Variants in NEGR1 observed in about 807,000 individuals in gnomAD.
NEGR1 encodes the protein neuronal growth regulator 1.
A neutral mutation model predicts 40.9 loss-of-function variants in NEGR1; 10 were observed. The ratio of observed to expected loss-of-function variants is 0.24; its 90% confidence interval spans 0.15 to 0.42. The LOEUF is 0.42. Among genes scored for constraint, NEGR1 ranks in the 10% least tolerant of loss-of-function variants. NEGR1 has a pLI of 1.00. For missense variants in NEGR1, 352 were observed against 438.9 expected, an observed-to-expected ratio of 0.80 and a Z score of 1.77; for synonymous variants, 185 against 166.8, an observed-to-expected ratio of 1.11 and a Z score of -0.84.
intron 6 of NEGR1, among the ~76,000 whole-genome samples, chr1:71,526,939 A>G (rs555365769): frequency 6.6e-6 from 1 of 151,622 alleles, no homozygotes; most frequent in East Asian, 2.0e-4. Context: ...TTTCCCTCAA[A>G]CACACCATAT....
intron 2 of NEGR1, among the ~76,000 whole-genome samples, chr1:71,925,509 T>A (rs1645764176): frequency 6.6e-6 from 1 of 152,196 alleles, no homozygotes. Flanking sequence ...GTTTTAATTG[T>A]GTCCATTTTC....
chr1:71,688,325 T>TATATATATATATATATATAGATAG (rs1475341609), intron 4 of NEGR1, among the ~76,000 whole-genome samples: 1 of 103,234 alleles, frequency 9.7e-6, no homozygotes, highest in African/African-American at 3.7e-5. Context: ...TATATATATA[T>TATATATATATATATATATAGATAG]ATAGATAGAT....
intron 2 of NEGR1, among the ~76,000 whole-genome samples, chr1:71,925,139 T>C (rs989864217): frequency 6.6e-6 from 1 of 152,206 alleles, no homozygotes; most frequent in African/African-American, 2.4e-5. Context: ...ACTTGAGATC[T>C]TTCTTGGAGT....
intron 1 of NEGR1, among the ~76,000 whole-genome samples, chr1:72,213,785 G>A (rs1050983131): frequency 2.0e-5 from 3 of 152,046 alleles, no homozygotes; most frequent in Admixed American, 6.6e-5. Context: ...TCTACCAGAG[G>A]GACAAAGAGG....
chr1:72,067,712 TG>T (rs1647310862), intron 1 of NEGR1, among the ~76,000 whole-genome samples: 1 of 151,824 alleles, frequency 6.6e-6, no homozygotes, highest in South Asian at 2.1e-4. Context: ...TTTAACATAC[TG>T]GGGGAAAAAA....
At chr1:71,513,758 T>A (rs1297612126) in intron 6 of NEGR1, among the ~76,000 whole-genome samples, 1 of 151,890 alleles carries the variant, frequency 6.6e-6, no homozygotes, top group Non-Finnish European at 1.5e-5. Flanking sequence ...GGTCTACAGC[T>A]CCCAGCGTGA....
At chr1:71,947,148 A>G (rs1646029318) in intron 1 of NEGR1, among the ~76,000 whole-genome samples, 1 of 148,748 alleles carries the variant, frequency 6.7e-6, no homozygotes, top group Non-Finnish European at 1.5e-5. Context: ...GTATATATAT[A>G]TGGATAACTT....
intron 6 of NEGR1, among the ~76,000 whole-genome samples, chr1:71,509,638 C>T (rs1182313047): frequency 3.3e-5 from 5 of 152,178 alleles, no homozygotes; most frequent in African/African-American, 1.2e-4. Context: ...GCCACTGAAA[C>T]TGGAGAGATC....
At chr1:71,988,573 T>TAAAAAAA (rs1646422390) in intron 1 of NEGR1, among the ~76,000 whole-genome samples, 1 of 108,556 alleles carries the variant, frequency 9.2e-6, no homozygotes, top group Non-Finnish European at 1.8e-5. Flanking sequence ...AAAAAAAGAG[T>TAAAAAAA]AAAGGAGAGA....
intron 1 of NEGR1, among the ~76,000 whole-genome samples, chr1:72,209,748 A>G (rs1653532394): frequency 6.6e-6 from 1 of 151,832 alleles, no homozygotes; most frequent in Non-Finnish European, 1.5e-5. Flanking sequence ...AGATACACGC[A>G]TGTATCTTAA....
At chr1:72,230,887 C>T (rs1487464690) in intron 1 of NEGR1, among the ~76,000 whole-genome samples, 2 of 152,142 alleles carry the variant, frequency 1.3e-5, no homozygotes, top group African/African-American at 4.8e-5. Context: ...TAAGTCAACA[C>T]TGAGTCATTC....
At chr1:71,854,520 T>C (rs373305557) in intron 2 of NEGR1, among the ~76,000 whole-genome samples, 2 of 152,156 alleles carry the variant, frequency 1.3e-5, no homozygotes, top group South Asian at 4.1e-4. Flanking sequence ...AGTCAAAAGG[T>C]GATGATAATT....
Position 71,829,827 on chromosome 1 carries a change from A to G in NEGR1, c.410-53530T>C, listed in dbSNP as rs7536158. Among the ~76,000 whole-genome samples, 409 of 152,012 alleles carry G rather than the reference A, an allele frequency of 2.7e-3. 3 individuals carry two copies. The highest frequency in any genetic ancestry group is 9.5e-3 in the African/African-American group (396 of 41,498). On this transcript the variant is annotated intron_variant, in intron 2 of 6. Coordinates refer to ENST00000357731, the MANE Select transcript of NEGR1 (RefSeq NM_173808.3). ...GTTCCATCCTAAATATTGCAGCACA[A>G]TCCTTCTCAAGGTGGTTTGGCCAGG...
rs1040901161 is a variant in NEGR1 at position 71,450,679 on chromosome 1, G to A, written c.941-43109C>T. ...AAAAAAATTAGCTGGGCATGGTGGC[G>A]CATGCCTGTAATCCCAGGTACTTGG... On this transcript the variant is annotated intron_variant, in intron 6 of 6. Coordinates refer to ENST00000357731, the MANE Select transcript of NEGR1 (RefSeq NM_173808.3). 7.9e-5 allele frequency among the ~76,000 whole-genome samples: 12 copies of A among 151,476 alleles called. No homozygotes were observed. The South Asian group carries it at 8.4e-4, about 11-fold the overall frequency.
chr1:71,827,680 A>G (rs569877900), intron 2 of NEGR1, among the ~76,000 whole-genome samples: 1 of 152,076 alleles, frequency 6.6e-6, no homozygotes, highest in Admixed American at 6.6e-5. Flanking sequence ...AAAATTAACT[A>G]GATAAAGACA....
At chr1:71,636,201 T>C (rs762192229) in intron 4 of NEGR1, among the ~76,000 whole-genome samples, 5 of 152,104 alleles carry the variant, frequency 3.3e-5, no homozygotes, top group Non-Finnish European at 7.4e-5. Context: ...GAAATATTGT[T>C]GGCCTTGCCA....
At chr1:71,510,771 G>T (rs1478911698) in intron 6 of NEGR1, among the ~76,000 whole-genome samples, 1 of 152,174 alleles carries the variant, frequency 6.6e-6, no homozygotes, top group Non-Finnish European at 1.5e-5. Context: ...CAGACACCTG[G>T]TCTTGCAAGA....
At chr1:71,560,079 C>CATGATGATG (rs3050879) in intron 6 of NEGR1, among the ~76,000 whole-genome samples, 2 of 149,732 alleles carry the variant, frequency 1.3e-5, no homozygotes, top group South Asian at 2.1e-4. Flanking sequence ...ACTAAGAGGT[C>CATGATGATG]ATGATGATGA....
chr1:71,580,864 T>C (rs1361222982), intron 6 of NEGR1, among the ~76,000 whole-genome samples: 1 of 152,182 alleles, frequency 6.6e-6, no homozygotes. Context: ...AATTGTGTTC[T>C]CCTTTATAGC....
Sources: gnomAD v4.1 joint callset for allele counts (sites outside exome capture counted in the v4.1 genomes callset) on GRCh38, gnomAD v4.1.1 for gene constraint, MANE v1.5 for transcripts, NCBI Gene and HGNC (gene_info 2026-07-23, HGNC 2026-07-21) for gene names.